Variants in STK38 observed in about 807,000 individuals in gnomAD.
STK38 encodes the protein serine/threonine-protein kinase 38.
In STK38, 26 loss-of-function variants were observed where a neutral mutation model predicts 59.0. The observed-to-expected ratio is 0.44, with a 90% CI of 0.32 to 0.61. The LOEUF is 0.61. Among genes scored for constraint, STK38 ranks in the 20% least tolerant of loss-of-function variants. STK38 has a pLI of 0.04. For missense variants in STK38, 433 were observed against 566.0 expected (o/e 0.76, Z 2.38); for synonymous variants, 175 against 176.6 (o/e 0.99, Z 0.07).
At chr6:36,497,987 T>TGGAGTG in intron 11 of STK38, 112 bp from the exon 12 acceptor site, 1 of 713,834 alleles carries the variant, frequency 1.4e-6, no homozygotes, top group Non-Finnish European at 2.3e-6. Flanking sequence ...TCACCCAGGC[T>TGGAGTG]GGAGTGCAGT....
In STK38 at chr6:36,517,795, T is replaced by C; in HGVS notation, c.436A>G (p.Ser146Gly). 2.5e-6 allele frequency: 4 copies of C among 1,614,150 alleles called. No individual in the cohort carries two copies. The highest frequency in any genetic ancestry group is 3.4e-6 in the Non-Finnish European group (4 of 1,179,984). Residue 146 changes from serine (S) to glycine (G), a missense_variant, in exon 6 of 14, where the codon AGT becomes GGT. By Grantham distance (56) the Ser-to-Gly change is moderately conservative (BLOSUM62 0). Around this residue, in one of 3 missense-constraint regions of STK38, gnomAD observed 293 missense variants for 388.2 expected, o/e 0.75. Transcript: ENST00000229812. ...AERDILVEAD[S>G]LWVVKMFYSF... ...TAGAACATTTTCACAACCCACAAAC[T>C]GTCTGCCTCCACTAGAATGTCACGC...
chr6:36,515,998 A>T (rs1777243254), intron 6 of STK38, among the ~76,000 whole-genome samples: 1 of 152,228 alleles, frequency 6.6e-6, no homozygotes, highest in African/African-American at 2.4e-5. Flanking sequence ...AACACAAACA[A>T]ATAAAAAGGA....
rs765867339 is a variant in STK38, at chr6:36,540,146, C to T, written c.57G>A (p.Arg19=). Residue 19 remains arginine (R), a synonymous_variant, in exon 2 of 14, where the codon AGG becomes AGA. Transcript: ENST00000229812. The stretch of plus-strand genomic sequence containing the variant: ...CCAGTGTCACTTTGGTCATTGTCAC[C>T]CTTTCCTTTGTGTGGTTACTCATGG... ...CSSMSNHTKE[R]VTMTKVTLEN... 5 of 1,614,048 alleles carry T rather than the reference C, an allele frequency of 3.1e-6. No individual in the cohort carries two copies. The highest frequency in any genetic ancestry group is 4.2e-6 in the Non-Finnish European group (5 of 1,179,986).
In STK38 at chr6:36,506,606, AG is replaced by A; in HGVS notation, c.810del (p.Trp271GlyfsTer8). The A allele has an allele frequency of 6.2e-7, 1 of 1,613,482 alleles. No homozygotes were observed. The highest frequency in any genetic ancestry group is 8.5e-7 in the Non-Finnish European group (1 of 1,179,844). On this transcript the variant is annotated frameshift_variant, in exon 9 of 14. Coordinates refer to ENST00000229812, the MANE Select transcript of STK38 (RefSeq NM_007271.4). LOFTEE classifies it high-confidence loss of function. Reference protein sequence around the residue: ...QNMNSKRKAETWKRNRRQLAF... With the variant: ...QNMNSKRKAEXWKRNRRQLAF... The stretch of plus-strand genomic sequence containing the variant: ...ACTAGCTGACGTCTATTTCTTTTCC[AG>A]GTTTCTGCTTTCCTTTTGGAATTCA...
At chr6:36,503,315 G>T (rs1371972668) in intron 9 of STK38, among the ~76,000 whole-genome samples, 1 of 151,866 alleles carries the variant, frequency 6.6e-6, no homozygotes, top group Admixed American at 6.6e-5. Context: ...TTACTCTGAG[G>T]TCATAAAGAT....
chr6:36,502,820 A>C lies in STK38; in HGVS notation c.835-2830T>G, dbSNP rs141515275. ...AAGAATTTTGCCATCTATCTCTCTA[A>C]ATGAGATCTTAGTTTTATTTTTGAG... On this transcript the variant is annotated intron_variant, in intron 9 of 13. Coordinates refer to ENST00000229812, the MANE Select transcript of STK38 (RefSeq NM_007271.4). Among the ~76,000 whole-genome samples, 365 of 152,246 alleles carry C rather than the reference A, an allele frequency of 2.4e-3. 1 individual carries two copies. The highest frequency in any genetic ancestry group is 8.4e-3 in the African/African-American group (349 of 41,554).
intron 2 of STK38, among the ~76,000 whole-genome samples, chr6:36,530,913 C>G (rs1467356427): frequency 6.6e-6 from 1 of 151,982 alleles, no homozygotes; most frequent in Non-Finnish European, 1.5e-5. Context: ...TGGTCTTGAG[C>G]CCCTGACCTC....
chr6:36,546,271 T>A (rs1472473277), intron 1 of STK38, among the ~76,000 whole-genome samples: 1 of 152,220 alleles, frequency 6.6e-6, no homozygotes, highest in Non-Finnish European at 1.5e-5. Context: ...CCTAGGAGTT[T>A]ATGTGTGATG....
intron 2 of STK38, among the ~76,000 whole-genome samples, chr6:36,535,868 C>A (rs1295868492): frequency 2.0e-4 from 28 of 141,544 alleles, no homozygotes; most frequent in African/African-American, 7.5e-4. Context: ...GAGCAAGACT[C>A]CGTCTCAAAA....
At chr6:36,508,645 AGGTCC>A (rs1263230447) in intron 7 of STK38, among the ~76,000 whole-genome samples, 2 of 152,254 alleles carry the variant, frequency 1.3e-5, no homozygotes, top group African/African-American at 4.8e-5. Context: ...AGTTTTGCTC[AGGTCC>A]GCTGGGCTCA....
chr6:36,506,652 T>G lies in STK38; in HGVS notation c.773-8A>C, dbSNP rs748010855. 6.2e-7 allele frequency: 1 copy of G among 1,611,980 alleles called. No homozygotes were observed. The highest frequency in any genetic ancestry group is 8.5e-7 in the Non-Finnish European group (1 of 1,179,536). On this transcript the variant is annotated splice_region_variant and splice_polypyrimidine_tract_variant and intron_variant, in intron 8 of 13. Transcript: ENST00000229812. ...AATTCATGTTCTGGAAAGCTGAAAG[T>G]AAAGAATACAAGCTGCAGTCAAAGT...
intron 7 of STK38, among the ~76,000 whole-genome samples, chr6:36,511,601 C>G (rs1427354703): frequency 6.6e-6 from 1 of 151,696 alleles, no homozygotes; most frequent in Non-Finnish European, 1.5e-5. Context: ...CATGATCCAC[C>G]CACCTCGGCC....
At position 36,532,804 on chromosome 6, in the gene STK38, C is replaced by T. The variant is rs184278065; in HGVS notation, c.132-7162G>A. Among the ~76,000 whole-genome samples the T allele has an allele frequency of 1.2e-4, 18 of 152,206 alleles. No individual in the cohort carries two copies. In the East Asian group the frequency reaches 1.7e-3, roughly 15 times the overall value. On this transcript the variant is annotated intron_variant, in intron 2 of 13. Transcript: ENST00000229812. ...ATCTCAGCTACATGGGAGGCTAAGG[C>T]AGGAGAATCACTTGAACCCGGGAGG...
chr6:36,510,423 A>G (rs573125083), intron 7 of STK38, among the ~76,000 whole-genome samples: 61 of 152,330 alleles, frequency 4.0e-4, no homozygotes, highest in African/African-American at 1.3e-3. Flanking sequence ...AGGCAGCAGG[A>G]GCAGGTACTT....
At chr6:36,500,738 GAC>G (rs1776817843) in intron 9 of STK38, among the ~76,000 whole-genome samples, 1 of 123,660 alleles carries the variant, frequency 8.1e-6, no homozygotes, top group Non-Finnish European at 1.6e-5. Context: ...CCAGCCTGGC[GAC>G]AGAGTGAGAC....
intron 7 of STK38, 106 bp downstream of exon 7, chr6:36,515,232 C>G: frequency 7.7e-7 from 1 of 1,305,348 alleles, no homozygotes; most frequent in Admixed American, 2.6e-5. Context: ...CATGACAAGG[C>G]AGGTCACAGC....
intron 7 of STK38, among the ~76,000 whole-genome samples, chr6:36,508,404 G>A (rs191609997): frequency 3.4e-4 from 52 of 152,258 alleles, no homozygotes; most frequent in Admixed American, 7.2e-4. Flanking sequence ...AGACCTAACC[G>A]GGCATGATTC....
At chr6:36,515,539 C>T in intron 6 of STK38, 47 bp from the exon 7 acceptor site, 3 of 1,603,660 alleles carry the variant, frequency 1.9e-6, no homozygotes, top group Non-Finnish European at 2.5e-6. Context: ...CACACACACA[C>T]ACACACACAC....
intron 9 of STK38, 117 bp from the exon 10 acceptor site, chr6:36,500,107 G>GATACAATTT: frequency 9.3e-6 from 7 of 751,296 alleles, no homozygotes; most frequent in Admixed American, 4.0e-5. Context: ...TAAATAAGCA[G>GATACAATTT]GACTGCCCAG....
Sources: gnomAD v4.1 joint callset for allele counts (sites outside exome capture counted in the v4.1 genomes callset) on GRCh38, gnomAD v4.1.1 for gene constraint, gnomAD v4.1.1 regional missense constraint, MANE v1.5 for transcripts, NCBI Gene and HGNC (gene_info 2026-07-23, HGNC 2026-07-21) for gene names.